The following APBB2 variants were observed in gnomAD, a reference collection of about 807,000 sequenced individuals.
APBB2 encodes the protein Fe65-like 1.
APBB2 carries 38 observed loss-of-function variants against 82.5 expected under a neutral mutation model. The ratio of observed to expected loss-of-function variants is 0.46; its 90% CI spans 0.36 to 0.60. APBB2 has a LOEUF of 0.60. Ranked by LOEUF, APBB2 falls within the 20% of genes least tolerant of loss-of-function variation. APBB2 has a pLI of 0.00. For missense variants in APBB2, 772 were observed against 972.3 expected, an observed-to-expected ratio of 0.79 and a Z score of 2.74; for synonymous variants, 341 against 368.2, an observed-to-expected ratio of 0.93 and a Z score of 0.85.
chr4:41,023,961 T>C (rs1712852937), intron 5 of APBB2, among the ~76,000 whole-genome samples: 1 of 152,168 alleles, frequency 6.6e-6, no homozygotes, highest in Non-Finnish European at 1.5e-5. Flanking sequence ...CAAAACAGCA[T>C]GGTACTGGTA....
chr4:40,930,183 A>G (rs1013008885), intron 10 of APBB2, among the ~76,000 whole-genome samples: 1 of 152,208 alleles, frequency 6.6e-6, no homozygotes, highest in Non-Finnish European at 1.5e-5. Context: ...CCGATGTACC[A>G]TGATTATGAA....
chr4:41,030,213 A>G (rs1268720084), intron 5 of APBB2, among the ~76,000 whole-genome samples: 1 of 152,138 alleles, frequency 6.6e-6, no homozygotes, highest in Non-Finnish European at 1.5e-5. Context: ...CCAGCAGTGG[A>G]CAAGAAAGAA....
rs1752352722 is a variant in APBB2, at chr4:40,832,478, G to A, written c.1530-1901C>T. 6.6e-6 allele frequency among the ~76,000 whole-genome samples: 1 copy of A among 152,124 alleles called. No homozygotes were observed. The highest frequency in any genetic ancestry group is 6.5e-5 in the Admixed American group (1 of 15,282). ...CCTACTCCTGCTTCCTCACGTTCTA[G>A]CTCAGTGTCCTCCATGCTAGAACCG... On this transcript the variant is annotated intron_variant, in intron 12 of 17. Coordinates refer to ENST00000508593, the MANE Select transcript of APBB2 (RefSeq NM_004307.2). This position sits in a 1 kb window ranked among gnomAD's most constrained non-coding sequence, Gnocchi z 4.8.
intron 10 of APBB2, among the ~76,000 whole-genome samples, chr4:40,913,915 T>G (rs924823420): frequency 2.0e-5 from 3 of 151,862 alleles, no homozygotes; most frequent in African/African-American, 7.3e-5. Context: ...TGGCCATGAG[T>G]TGAAGGTCAA....
intron 10 of APBB2, among the ~76,000 whole-genome samples, chr4:40,904,418 G>A (rs1298908818): frequency 1.3e-5 from 2 of 149,846 alleles, no homozygotes; most frequent in Admixed American, 1.3e-4. Context: ...GTGACAGAGT[G>A]AGACTCCATC....
chr4:40,855,832 TATG>T (rs1761026424), intron 12 of APBB2, among the ~76,000 whole-genome samples: 1 of 152,250 alleles, frequency 6.6e-6, no homozygotes. Context: ...GCTGATGCTT[TATG>T]GAAAGTCTTT....
chr4:41,105,128 G>T (rs1746725419), intron 2 of APBB2, among the ~76,000 whole-genome samples: 1 of 152,078 alleles, frequency 6.6e-6, no homozygotes, highest in Non-Finnish European at 1.5e-5. Flanking sequence ...TGGTAGTTTT[G>T]TTTTATAAAA....
At chr4:40,890,200 C>T (rs1193623297) in intron 12 of APBB2, 164 bp downstream of exon 12, 1 of 928,672 alleles carries the variant, frequency 1.1e-6, no homozygotes, top group African/African-American at 1.7e-5. Context: ...AGTTTGAAGT[C>T]TTTAAGAGGC....
At chr4:41,042,903 A>G (rs759497366) in intron 4 of APBB2, among the ~76,000 whole-genome samples, 1 of 152,248 alleles carries the variant, frequency 6.6e-6, no homozygotes, top group Non-Finnish European at 1.5e-5. Context: ...GCAATACACA[A>G]TTGATACACT....
At chr4:41,198,331 A>C in intron 1 of APBB2, among the ~76,000 whole-genome samples, 1 of 152,244 alleles carries the variant, frequency 6.6e-6, no homozygotes, top group Non-Finnish European at 1.5e-5. Flanking sequence ...ATGTACACTT[A>C]CTGGCTAGCA....
intron 12 of APBB2, among the ~76,000 whole-genome samples, chr4:40,870,506 C>T (rs893080522): frequency 7.2e-5 from 11 of 152,142 alleles, no homozygotes; most frequent in African/African-American, 2.7e-4. Flanking sequence ...GTGCCTCACT[C>T]CAAAAGCCCT....
rs1387882418 is a variant in APBB2, at chr4:40,812,436, G to A, written c.*3656C>T. ...GCTGCTCTGGAGGCCAGGAACTACT[G>A]CTTGCGTTGACACGGTGTGAGTGGG... On this transcript the variant is annotated 3_prime_UTR_variant, in exon 18 of 18. Coordinates refer to ENST00000508593, the MANE Select transcript of APBB2 (RefSeq NM_004307.2). 6.6e-6 allele frequency: 1 copy of A among 152,246 alleles called. No individual in the cohort carries two copies. Among genetic ancestry groups the A allele is most frequent in the African/African-American group, 2.4e-5 (1 of 41,460 alleles). 9.4% of individuals were successfully genotyped at this position (152,246 alleles called of 1,614,324 possible). A position where few individuals can be genotyped will look rare whatever the true frequency, so the allele number is the denominator to read the frequency against.
chr4:40,922,931 A>G (rs28607722), intron 10 of APBB2, among the ~76,000 whole-genome samples: 2,880 of 147,174 alleles, frequency 0.02, 79 homozygotes, highest in African/African-American at 0.065. Flanking sequence ...ATCTGAATTA[A>G]TCTAATTGTT....
chr4:41,166,040 AT>A (rs1361684867), intron 1 of APBB2, among the ~76,000 whole-genome samples: 2 of 151,304 alleles, frequency 1.3e-5, no homozygotes, highest in Admixed American at 6.6e-5. Context: ...CGCCCGGCTA[AT>A]TTTTTTGTAT....
At chr4:41,105,885 CA>C (rs34109241) in intron 2 of APBB2, among the ~76,000 whole-genome samples, 155 of 114,478 alleles carry the variant, frequency 1.4e-3, no homozygotes, top group Middle Eastern at 5.2e-3. Context: ...GACCCCGTCT[CA>C]AAAAAAAAAA....
At chr4:40,822,898 C>T (rs1156918689) in intron 16 of APBB2, among the ~76,000 whole-genome samples, 5 of 152,084 alleles carry the variant, frequency 3.3e-5, no homozygotes, top group Middle Eastern at 3.4e-3. Flanking sequence ...GCAGTGCTTG[C>T]GATGATGCTG....
chr4:40,935,240 T>C, intron 7 of APBB2, 101 bp from the exon 8 acceptor site: 1 of 862,878 alleles, frequency 1.2e-6, no homozygotes, highest in Non-Finnish European at 1.8e-6. Context: ...TTAGCATTGA[T>C]ATTCACAAGA....
chr4:41,202,166 A>G (rs1261932135), intron 1 of APBB2, among the ~76,000 whole-genome samples: 1 of 152,234 alleles, frequency 6.6e-6, no homozygotes, highest in African/African-American at 2.4e-5. Context: ...TTCGTCTTCA[A>G]AACTTTTCGT....
intron 6 of APBB2, among the ~76,000 whole-genome samples, chr4:41,004,459 A>C (rs771434953): frequency 6.6e-6 from 1 of 152,190 alleles, no homozygotes. Context: ...AGGAAACTTT[A>C]TGTGAGCTAT....
Sources: gnomAD v4.1 joint callset for allele counts (sites outside exome capture counted in the v4.1 genomes callset) on GRCh38, gnomAD v4.1.1 for gene constraint, Gnocchi (gnomAD v3.1) non-coding constraint, MANE v1.5 for transcripts, NCBI Gene and HGNC (gene_info 2026-07-23, HGNC 2026-07-21) for gene names.